Variants in PIEZO2 observed in about 807,000 individuals in gnomAD.
PIEZO2 encodes the protein piezo-type mechanosensitive ion channel component 2.
PIEZO2 carries 172 observed loss-of-function variants against 337.3 expected under a neutral mutation model. That is an observed-to-expected ratio of 0.51 (90% CI 0.45 to 0.58). The LOEUF (loss-of-function observed/expected upper bound fraction) is 0.58, where lower values mean the gene tolerates loss of function less well. PIEZO2 is among the 20% of genes least tolerant of loss of function. The pLI is 0.00. For missense variants in PIEZO2, 3,028 were observed against 3,391.3 expected, an observed-to-expected ratio of 0.89 and a Z score of 2.66; for synonymous variants, 1,251 against 1,228.5, an observed-to-expected ratio of 1.02 and a Z score of -0.38.
chr18:10,745,670 A>G (rs1598426833), intron 30 of PIEZO2, among the ~76,000 whole-genome samples: 1 of 151,602 alleles, frequency 6.6e-6, no homozygotes, highest in Non-Finnish European at 1.5e-5. Context: ...CTTTTTTACA[A>G]CCTCTTTCTT....
intron 16 of PIEZO2, among the ~76,000 whole-genome samples, chr18:10,785,415 T>C (rs1296108768): frequency 6.6e-6 from 1 of 152,248 alleles, no homozygotes; most frequent in East Asian, 1.9e-4. Context: ...GGACTCAAAG[T>C]GCATCTACAG....
intron 4 of PIEZO2, among the ~76,000 whole-genome samples, chr18:10,880,331 G>A (rs1052706321): frequency 1.3e-5 from 2 of 152,148 alleles, no homozygotes; most frequent in Non-Finnish European, 2.9e-5. Flanking sequence ...CTCATGGGAA[G>A]ACTACTTTAT....
rs1224073610 is a variant in PIEZO2, at chr18:10,824,736, T to C, written c.918-17462A>G. On this transcript the variant is annotated intron_variant, in intron 7 of 55. Coordinates refer to ENST00000674853, the MANE Select transcript of PIEZO2 (RefSeq NM_001378183.1). The surrounding 1 kb of genome is among the most constrained non-coding windows in gnomAD (Gnocchi z 4.4). ...TACTACAGAGAATTCTCTATACCCA[T>C]TTTCCTCGACTGTTAAATCTTACAT... 1.3e-5 allele frequency among the ~76,000 whole-genome samples: 2 copies of C among 152,218 alleles called. No individual in the cohort carries two copies. The highest frequency in any genetic ancestry group is 2.9e-5 in the Non-Finnish European group (2 of 68,038).
At chr18:10,900,550 A>G (rs2043019551) in intron 4 of PIEZO2, among the ~76,000 whole-genome samples, 2 of 152,348 alleles carry the variant, frequency 1.3e-5, no homozygotes, top group South Asian at 4.1e-4. Flanking sequence ...AGTTAGAGGT[A>G]TGTTTGTCAG....
At chr18:10,898,339 T>G (rs1394164754) in intron 4 of PIEZO2, among the ~76,000 whole-genome samples, 1 of 151,756 alleles carries the variant, frequency 6.6e-6, no homozygotes, top group East Asian at 1.9e-4. Context: ...GAGAATGGCG[T>G]GAACCCAGGA....
chr18:10,755,487 A>G (rs941464392), intron 27 of PIEZO2, among the ~76,000 whole-genome samples: 4 of 152,204 alleles, frequency 2.6e-5, no homozygotes, highest in Non-Finnish European at 5.9e-5. Flanking sequence ...ACAGGCATTG[A>G]AAGACTGAAG....
In PIEZO2 at chr18:10,740,763, A is replaced by G. The variant is rs144454363; in HGVS notation, c.4708+268T>C. 1.6e-3 allele frequency: 978 copies of G among 593,284 alleles called. 11 individuals are homozygous for G. The African/African-American group carries it at 0.017, about 10-fold the overall frequency. The allele number at this position is 593,284 out of a possible 1,614,324, so 36.8% of individuals were successfully genotyped here. A position where few individuals can be genotyped will look rare whatever the true frequency, so the allele number is the denominator to read the frequency against. Reference sequence around the variant, plus strand: ...ATTCTTCTTCCCTTTCTGAGCCCATAAATTATGCCCTAGAGTCTATAAGCC... The same window carrying G: ...ATTCTTCTTCCCTTTCTGAGCCCATGAATTATGCCCTAGAGTCTATAAGCC... On this transcript the variant is annotated intron_variant, in intron 33 of 55. Coordinates refer to ENST00000674853, the MANE Select transcript of PIEZO2 (RefSeq NM_001378183.1).
At chr18:10,915,865 T>A (rs574256544) in intron 3 of PIEZO2, among the ~76,000 whole-genome samples, 2 of 152,052 alleles carry the variant, frequency 1.3e-5, no homozygotes, top group Non-Finnish European at 2.9e-5. Context: ...TTCTTAAAGG[T>A]GGAGTTTCTA....
At chr18:10,718,747 C>G (rs1367564072) in intron 36 of PIEZO2, among the ~76,000 whole-genome samples, 2 of 152,082 alleles carry the variant, frequency 1.3e-5, no homozygotes, top group Non-Finnish European at 1.5e-5. Flanking sequence ...TGCAGTGGCT[C>G]ATGCCTGTAG....
intron 3 of PIEZO2, among the ~76,000 whole-genome samples, chr18:10,964,183 T>C (rs1311546842): frequency 6.6e-6 from 1 of 152,202 alleles, no homozygotes. Context: ...GATTAATTAA[T>C]TAAAGTGATT....
At chr18:10,801,206 T>C (rs1011482860) in intron 10 of PIEZO2, among the ~76,000 whole-genome samples, 184 bp downstream of exon 10, 3 of 152,212 alleles carry the variant, frequency 2.0e-5, no homozygotes, top group African/African-American at 7.2e-5. Context: ...AATTTAAATA[T>C]ATTTTGTATG....
chr18:10,944,904 C>T (rs1272953568), intron 3 of PIEZO2, among the ~76,000 whole-genome samples: 1 of 152,092 alleles, frequency 6.6e-6, no homozygotes, highest in Non-Finnish European at 1.5e-5. Context: ...AGAAGCAAAG[C>T]TAACTGTTGC....
At chr18:10,770,412 T>G in intron 20 of PIEZO2, 104 bp from the exon 21 acceptor site, 1 of 1,184,242 alleles carries the variant, frequency 8.4e-7, no homozygotes, top group East Asian at 2.6e-5. Context: ...TGCAAAATAA[T>G]TACAGTGGAT....
chr18:10,712,552 T>C (rs1016938405), intron 39 of PIEZO2, among the ~76,000 whole-genome samples: 1 of 152,208 alleles, frequency 6.6e-6, no homozygotes, highest in Non-Finnish European at 1.5e-5. Flanking sequence ...TGACTTTTTG[T>C]CTGAATGGAA....
At chr18:11,088,445 A>G (rs1179300407) in intron 1 of PIEZO2, among the ~76,000 whole-genome samples, 2 of 152,210 alleles carry the variant, frequency 1.3e-5, no homozygotes, top group Admixed American at 1.3e-4. Context: ...AACAAGGGAT[A>G]TTCATAGGAG....
At chr18:10,803,731 C>T in intron 9 of PIEZO2, 144 bp downstream of exon 9, 2 of 1,006,350 alleles carry the variant, frequency 2.0e-6, no homozygotes, top group Non-Finnish European at 2.7e-6. Flanking sequence ...CTCTCTGGTA[C>T]TAACTCTCCT....
intron 2 of PIEZO2, among the ~76,000 whole-genome samples, chr18:11,059,756 G>A (rs1428397435): frequency 3.9e-5 from 6 of 152,170 alleles, no homozygotes; most frequent in Admixed American, 3.9e-4. Context: ...GATTCATAAA[G>A]CAAGTCCTTA....
intron 2 of PIEZO2, among the ~76,000 whole-genome samples, chr18:10,997,181 G>A (rs2035354083): frequency 6.6e-6 from 1 of 151,656 alleles, no homozygotes; most frequent in African/African-American, 2.4e-5. Context: ...AACTGACATT[G>A]GAACCACTAC....
rs569474653 is a variant in PIEZO2, at chr18:11,112,392, C to T, written c.64+36133G>A. ...AGTCATTCTGAGAACAACCCTTCAA[C>T]GCTTTAATTAAAGAGGCCTACAACA... On this transcript the variant is annotated intron_variant, in intron 1 of 55. Transcript: ENST00000674853. The surrounding 1 kb of genome is among the most constrained non-coding windows in gnomAD (Gnocchi z 4.3). Among the ~76,000 whole-genome samples the T allele has an allele frequency of 4.6e-5, 7 of 152,296 alleles. No individual in the cohort carries two copies. The highest frequency in any genetic ancestry group is 3.9e-4 in the East Asian group (2 of 5,182).
Sources: gnomAD v4.1 joint callset for allele counts (sites outside exome capture counted in the v4.1 genomes callset) on GRCh38, gnomAD v4.1.1 for gene constraint, Gnocchi (gnomAD v3.1) non-coding constraint, MANE v1.5 for transcripts, NCBI Gene and HGNC (gene_info 2026-07-23, HGNC 2026-07-21) for gene names.